TRPC4: variants seen among roughly 807,000 people sequenced by gnomAD.
TRPC4 encodes short transient receptor potential channel 4.
TRPC4 carries 49 observed loss-of-function variants against 99.4 expected under a neutral mutation model. The observed-to-expected ratio is 0.49, with a 90% confidence interval of 0.39 to 0.63. TRPC4 has a LOEUF of 0.63. Among genes scored for constraint, TRPC4 ranks in the 20% least tolerant of loss-of-function variants. The pLI is 0.00. For synonymous variants in TRPC4, 454 were observed against 425.9 expected (o/e 1.07, Z -0.81); for missense variants, 898 against 1,152.9 (o/e 0.78, Z 3.20).
Position 37,746,300 on chromosome 13 carries a change from A to G in TRPC4, c.534T>C (p.Cys178=), listed in dbSNP as rs1309775071. 6.2e-7 allele frequency: 1 copy of G among 1,613,842 alleles called. No individual in the cohort carries two copies. The highest frequency in any genetic ancestry group is 1.7e-5 in the Admixed American group (1 of 59,982). The change falls in exon 3 of 11, where the codon TGT becomes TGC. Residue 178 remains cysteine (C), a synonymous_variant. Transcript: ENST00000379705. ...VPRPHEVRCN[C]VECVSSSDVD... is the part of the protein sequence containing the mutation. The stretch of plus-strand genomic sequence containing the variant: ...CATCTGAACTGGACACGCATTCCAC[A>G]CAGTTACAGCGGACCTCGTGGGGTC...
intron 1 of TRPC4, among the ~76,000 whole-genome samples, chr13:37,809,906 G>A (rs374526032): frequency 7.9e-5 from 12 of 152,072 alleles, no homozygotes; most frequent in African/African-American, 2.9e-4. Flanking sequence ...CTTATATTCA[G>A]GGCTATATCA....
chr13:37,769,589 T>C (rs1244494147), intron 2 of TRPC4, among the ~76,000 whole-genome samples: 1 of 151,490 alleles, frequency 6.6e-6, no homozygotes, highest in African/African-American at 2.4e-5. Flanking sequence ...TCCTGGTGCA[T>C]TTCCTTTTTC....
At position 37,692,235 on chromosome 13, in the gene TRPC4, C is replaced by T. The variant is rs777925843; in HGVS notation, c.998G>A (p.Cys333Tyr). The T allele has an allele frequency of 1.2e-6, 2 of 1,614,108 alleles. No homozygotes were observed. Among genetic ancestry groups the T allele is most frequent in the Non-Finnish European group, 1.7e-6 (2 of 1,180,018 alleles). The change falls in exon 4 of 11, where the codon TGT becomes TAT. Residue 333 changes from cysteine to tyrosine, a missense_variant. Cys to Tyr is a radical substitution (Grantham distance 194, BLOSUM62 -2). Transcript: ENST00000379705. ...AGGAAAAAGAAGTCCTATTATGAAA[C>T]ATGTCACCATCTTCACTGCCCAGTG... Reference protein sequence around the residue: ...RRHWAVKMVTCFIIGLLFPVF... With the variant: ...RRHWAVKMVTYFIIGLLFPVF...
At chr13:37,709,206 T>C (rs1336325233) in intron 3 of TRPC4, among the ~76,000 whole-genome samples, 1 of 151,950 alleles carries the variant, frequency 6.6e-6, no homozygotes. Context: ...ACTGAGAATA[T>C]GTTTTGAGTT....
intron 5 of TRPC4, among the ~76,000 whole-genome samples, chr13:37,665,430 T>C (rs1235006933): frequency 6.6e-6 from 1 of 152,216 alleles, no homozygotes; most frequent in Non-Finnish European, 1.5e-5. Flanking sequence ...GAAGTATTCT[T>C]AATAATGCAA....
chr13:37,868,026 A>G (rs17056744), intron 1 of TRPC4, among the ~76,000 whole-genome samples: 1 of 152,146 alleles, frequency 6.6e-6, no homozygotes, highest in African/African-American at 2.4e-5. Flanking sequence ...CACAGTATGA[A>G]TCGATTAAGG....
chr13:37,781,530 T>C (rs1470913533), intron 2 of TRPC4, among the ~76,000 whole-genome samples: 1 of 152,102 alleles, frequency 6.6e-6, no homozygotes, highest in Non-Finnish European at 1.5e-5. Context: ...GACTGGTATA[T>C]AACATGAAAT....
At chr13:37,745,405 C>A (rs1344643030) in intron 3 of TRPC4, among the ~76,000 whole-genome samples, 1 of 141,856 alleles carries the variant, frequency 7.0e-6, no homozygotes, top group Non-Finnish European at 1.5e-5. Flanking sequence ...CCTGCAGATA[C>A]AGAAGGCTGA....
At chr13:37,705,252 ATT>A (rs1954233368) in intron 3 of TRPC4, among the ~76,000 whole-genome samples, 1 of 152,124 alleles carries the variant, frequency 6.6e-6, no homozygotes, top group Non-Finnish European at 1.5e-5. Flanking sequence ...AAAAGTTTGA[ATT>A]CACAGATGCA....
At chr13:37,761,994 G>T (rs747672373) in intron 2 of TRPC4, among the ~76,000 whole-genome samples, 12 of 151,734 alleles carry the variant, frequency 7.9e-5, no homozygotes, top group Non-Finnish European at 1.5e-4. Context: ...AATATTATTT[G>T]TATTTTAGGT....
At chr13:37,793,745 A>G (rs1163091926) in intron 1 of TRPC4, among the ~76,000 whole-genome samples, 3 of 152,134 alleles carry the variant, frequency 2.0e-5, no homozygotes, top group Non-Finnish European at 2.9e-5. Flanking sequence ...ACTAGAAATG[A>G]TGCAGTTAAG....
chr13:37,825,965 G>A (rs1958192588), intron 1 of TRPC4, among the ~76,000 whole-genome samples: 1 of 136,808 alleles, frequency 7.3e-6, no homozygotes, highest in African/African-American at 2.7e-5. Context: ...TCCTGTATTG[G>A]GTGCATATAT....
At position 37,834,796 on chromosome 13, in the gene TRPC4, C is replaced by A. The variant is rs146600532; in HGVS notation, c.-28+34799G>T. Among the ~76,000 whole-genome samples, 604 of 152,224 alleles carry A rather than the reference C, an allele frequency of 4.0e-3. 5 individuals are homozygous for A. The highest frequency in any genetic ancestry group is 0.014 in the African/African-American group (578 of 41,544). On this transcript the variant is annotated intron_variant, in intron 1 of 10. Coordinates refer to ENST00000379705, the MANE Select transcript of TRPC4 (RefSeq NM_016179.4). ...AGGCTGGAGTGCAGCAGCACAATCTCGGCTCACTGTAATCTCTGCCTCCTG... is the reference window on the plus strand; with the variant it reads ...AGGCTGGAGTGCAGCAGCACAATCTAGGCTCACTGTAATCTCTGCCTCCTG...
intron 3 of TRPC4, among the ~76,000 whole-genome samples, chr13:37,702,745 C>G (rs905909803): frequency 6.6e-6 from 1 of 152,096 alleles, no homozygotes; most frequent in Non-Finnish European, 1.5e-5. Context: ...TACACATAGG[C>G]AGTCAGCTAT....
At chr13:37,818,157 T>C (rs1593250100) in intron 1 of TRPC4, among the ~76,000 whole-genome samples, 1 of 148,114 alleles carries the variant, frequency 6.8e-6, no homozygotes, top group Non-Finnish European at 1.5e-5. Flanking sequence ...GTAAGAAACT[T>C]AAATAAATTT....
chr13:37,648,430 G>A (rs992963333), intron 8 of TRPC4, among the ~76,000 whole-genome samples: 14 of 152,034 alleles, frequency 9.2e-5, no homozygotes, highest in African/African-American at 3.4e-4. Context: ...GCTGGTGCTT[G>A]CCCAGGGCTC....
chr13:37,814,605 A>C (rs1306266764), intron 1 of TRPC4, among the ~76,000 whole-genome samples: 1 of 151,834 alleles, frequency 6.6e-6, no homozygotes, highest in Non-Finnish European at 1.5e-5. Flanking sequence ...TAAGTGAAAG[A>C]CTTGTAGTCT....
rs144103505 is a variant in TRPC4, at chr13:37,746,059, T to A, written c.775A>T (p.Thr259Ser). The A allele has an allele frequency of 4.5e-5, 72 of 1,613,974 alleles. No individual in the cohort carries two copies. The African/African-American group carries it at 6.9e-4, about 16-fold the overall frequency. ...KQFAKDLLDQ[T>S]RSSRELEIIL... ...ATTTCCAGTTCTCTGGAACTTCTCG[T>A]CTGATCCAGTAGGTCCTTAGCAAAT... The change falls in exon 3 of 11, where the codon ACG (threonine) becomes TCG (serine). Residue 259 changes from threonine (T) to serine (S), a missense_variant. By Grantham distance (58) the Thr-to-Ser change is moderately conservative. Around this residue, in one of 3 missense-constraint regions of TRPC4, gnomAD observed 278 missense variants for 346.6 expected, o/e 0.80. Transcript: ENST00000379705.
At chr13:37,841,828 G>A (rs1425839124) in intron 1 of TRPC4, among the ~76,000 whole-genome samples, 2 of 152,198 alleles carry the variant, frequency 1.3e-5, no homozygotes, top group East Asian at 3.9e-4. Context: ...CTAAAAAACA[G>A]TTTCTTTAAA....
Sources: gnomAD v4.1 joint callset for allele counts (sites outside exome capture counted in the v4.1 genomes callset) on GRCh38, gnomAD v4.1.1 for gene constraint, gnomAD v4.1.1 regional missense constraint, MANE v1.5 for transcripts, NCBI Gene and HGNC (gene_info 2026-07-23, HGNC 2026-07-21) for gene names.